Variants in TTYH1 observed in about 807,000 individuals in gnomAD.
TTYH1 encodes protein tweety homolog 1.
A neutral mutation model predicts 61.2 loss-of-function variants in TTYH1; 33 were observed. That is an observed-to-expected ratio of 0.54 (90% confidence interval 0.41 to 0.72). The LOEUF (loss-of-function observed/expected upper bound fraction) is 0.72. Ranked by LOEUF, TTYH1 falls within the 30% of genes least tolerant of loss-of-function variation. The pLI is 0.00. For missense variants in TTYH1, 538 were observed against 575.8 expected, an observed-to-expected ratio of 0.93 and a Z score of 0.67; for synonymous variants, 308 against 266.4, an observed-to-expected ratio of 1.16 and a Z score of -1.52.
At position 54,436,435 on chromosome 19, in the gene TTYH1, G is replaced by C. The variant is rs2083555118; in HGVS notation, c.*145G>C. 3 of 1,571,116 alleles carry C rather than the reference G, an allele frequency of 1.9e-6. No homozygotes were observed. The Admixed American group carries it at 5.0e-5, about 26-fold the overall frequency. On this transcript the variant is annotated 3_prime_UTR_variant, in exon 14 of 14. Transcript: ENST00000376530. The surrounding 1 kb of genome is among the most constrained non-coding windows in gnomAD (Gnocchi z 4.3). ...ACAGCCTGCACAGGACCGCCTCCCT[G>C]CTCTTGGCCACTGTGCTCCCATTTC...
chr19:54,432,956 A>C (rs1220622736), intron 10 of TTYH1: 1 of 152,176 alleles, frequency 6.6e-6, no homozygotes. Flanking sequence ...TGGCATTCCA[A>C]AAAGGGAGTG....
chr19:54,435,551 G>T lies in TTYH1; in HGVS notation c.1135G>T (p.Ala379Ser), dbSNP rs961080546. ...HCRSLHKDYG[A>S]ALRGLCEDAL... ...GACGCCCTCCCCTCAGGACTATGGTGCAGCCCTGCGGGGCCTGTGCGAAGA... is the reference window on the plus strand; with the variant it reads ...GACGCCCTCCCCTCAGGACTATGGTTCAGCCCTGCGGGGCCTGTGCGAAGA... Residue 379 changes from alanine (A) to serine (S), a missense_variant, in exon 11 of 14, where the codon GCA (alanine) becomes TCA (serine). By Grantham distance (99) the Ala-to-Ser change is moderately conservative. This residue lies in a region of TTYH1 where 378 missense variants were observed against 401.2 expected (regional missense o/e 0.94). Coordinates refer to ENST00000376530, the MANE Select transcript of TTYH1 (RefSeq NM_020659.4). 32 of 1,601,966 alleles carry T rather than the reference G, an allele frequency of 2.0e-5. No individual in the cohort carries two copies. Among genetic ancestry groups the T allele is most frequent in the Non-Finnish European group, 2.3e-5 (27 of 1,176,464 alleles).
chr19:54,430,837 C>G lies in TTYH1; in HGVS notation c.964C>G (p.Leu322Val), dbSNP rs143056251. Reference sequence around the variant, plus strand: ...GAGGCTGACTCTGTCCCAGCGAGCTCTGGCCAACATCCACTCCCAGCTGCT... The same window carrying G: ...GAGGCTGACTCTGTCCCAGCGAGCTGTGGCCAACATCCACTCCCAGCTGCT... ...QQRLTLSQRA[L>V]ANIHSQLLGL... Residue 322 changes from leucine to valine, a missense_variant, in exon 9 of 14, where the codon CTG becomes GTG. Leu to Val is a conservative substitution (Grantham distance 32, BLOSUM62 1). Around this residue, in one of 3 missense-constraint regions of TTYH1, gnomAD observed 378 missense variants for 401.2 expected, o/e 0.94. Coordinates refer to ENST00000376530, the MANE Select transcript of TTYH1 (RefSeq NM_020659.4). 4.3e-4 allele frequency: 697 copies of G among 1,613,890 alleles called. No homozygotes were observed. Among genetic ancestry groups the G allele is most frequent in the Non-Finnish European group, 4.4e-4 (514 of 1,180,010 alleles).
rs755102528 is a variant in TTYH1 at position 54,429,832 on chromosome 19, G to A, written c.808-50G>A. On this transcript the variant is annotated intron_variant, in intron 6 of 13. Coordinates refer to ENST00000376530, the MANE Select transcript of TTYH1 (RefSeq NM_020659.4). The surrounding 1 kb of genome is among the most constrained non-coding windows in gnomAD (Gnocchi z 5.1). ...CAGGCACTGGGTGCTGTGGGAGTGT[G>A]GAATCGGGGCAGTTTTGGGTTTGAG... The A allele has an allele frequency of 3.2e-6, 5 of 1,539,846 alleles. No individual in the cohort carries two copies. In the South Asian group the frequency reaches 3.4e-5, roughly 10 times the overall value.
intron 4 of TTYH1, chr19:54,426,389 T>G: frequency 2.1e-6 from 1 of 472,800 alleles, no homozygotes; most frequent in East Asian, 3.5e-5. Flanking sequence ...ACACATCACG[T>G]GTCCCTGGTC....
Position 54,436,569 on chromosome 19 carries a change from T to C in TTYH1, c.*279T>C, listed in dbSNP as rs1030297957. On this transcript the variant is annotated 3_prime_UTR_variant, in exon 14 of 14. Coordinates refer to ENST00000376530, the MANE Select transcript of TTYH1 (RefSeq NM_020659.4). This position sits in a 1 kb window ranked among gnomAD's most constrained non-coding sequence, Gnocchi z 4.3. ...CCTTCATCCCTGGCTGCCGGTCCCA[T>C]CCTTGGAGGGACTAAGCTGGGGGTG... 1.6e-6 allele frequency: 1 copy of C among 630,766 alleles called. No homozygotes were observed. Among genetic ancestry groups the C allele is most frequent in the Middle Eastern group, 3.4e-4 (1 of 2,964 alleles). 39.1% of individuals were successfully genotyped at this position (630,766 alleles called of 1,614,324 possible). A position where few individuals can be genotyped will look rare whatever the true frequency, so the allele number is the denominator to read the frequency against.
rs538705940 is a variant in TTYH1, at chr19:54,429,709, T to A, written c.808-173T>A. Reference sequence around the variant, plus strand: ...GAAAGGGCTGGAGAGTCTGAACCCCTGAGTCTGAGGGACGAGGGGCCTGGG... The same window carrying A: ...GAAAGGGCTGGAGAGTCTGAACCCCAGAGTCTGAGGGACGAGGGGCCTGGG... On this transcript the variant is annotated intron_variant, in intron 6 of 13. Transcript: ENST00000376530. The surrounding 1 kb of genome is among the most constrained non-coding windows in gnomAD (Gnocchi z 5.1). Among the ~76,000 whole-genome samples, 10 of 149,880 alleles carry A rather than the reference T, an allele frequency of 6.7e-5. No individual in the cohort carries two copies. In the South Asian group the frequency reaches 2.1e-3, roughly 31 times the overall value.
Position 54,429,992 on chromosome 19 carries a change from G to A in TTYH1, c.883+35G>A, listed in dbSNP as rs2083402188. The stretch of plus-strand genomic sequence containing the variant: ...AAGGGCCCGGTGGGTCCGCCGGGTT[G>A]GGCAGTGCAGGCCCTGGCTTCCTCA... On this transcript the variant is annotated intron_variant, in intron 7 of 13. Transcript: ENST00000376530. The surrounding 1 kb of genome is among the most constrained non-coding windows in gnomAD (Gnocchi z 5.1). 2.5e-6 allele frequency: 4 copies of A among 1,584,380 alleles called. No homozygotes were observed. Among genetic ancestry groups the A allele is most frequent in the Middle Eastern group, 1.7e-4 (1 of 5,988 alleles).
Position 54,415,576 on chromosome 19 carries a change from G to T in TTYH1, c.24G>T (p.Arg8=). The change falls in exon 1 of 14, where the codon CGG becomes CGT. Residue 8 remains arginine (R), a synonymous_variant. Coordinates refer to ENST00000376530, the MANE Select transcript of TTYH1 (RefSeq NM_020659.4). This position sits in a 1 kb window ranked among gnomAD's most constrained non-coding sequence, Gnocchi z 5.2. MGAPPGY[R]PSAWVHLLHQ... ...CCATGGGGGCGCCCCCGGGCTACCG[G>T]CCCTCAGCTTGGGTGCATCTCCTCC... 1 of 1,505,432 alleles carries T rather than the reference G, an allele frequency of 6.6e-7. No homozygotes were observed. 93.3% of individuals were successfully genotyped at this position (1,505,432 alleles called of 1,614,324 possible). A position where few individuals can be genotyped will look rare whatever the true frequency, so the allele number is the denominator to read the frequency against.
In TTYH1 at chr19:54,415,973, T is replaced by G; in HGVS notation, c.126+295T>G. The G allele has an allele frequency of 1.6e-6, 2 of 1,247,240 alleles. No homozygotes were observed. The highest frequency in any genetic ancestry group is 1.1e-6 in the Non-Finnish European group (1 of 923,308). 77.3% of individuals were successfully genotyped at this position (1,247,240 alleles called of 1,614,324 possible). On this transcript the variant is annotated intron_variant, in intron 1 of 13. Transcript: ENST00000376530. The surrounding 1 kb of genome is among the most constrained non-coding windows in gnomAD (Gnocchi z 5.2). ...GGGGCCCGGATTCCCGGGTGTCTGA[T>G]ACCTGCCTGGGAAGCCGGCCTCCAG... is the stretch of plus-strand genomic sequence containing the variant.
At chr19:54,425,594 G>A (rs1475773400) in intron 4 of TTYH1, among the ~76,000 whole-genome samples, 1 of 152,206 alleles carries the variant, frequency 6.6e-6, no homozygotes, top group Admixed American at 6.5e-5. Flanking sequence ...TTCCCAGCTA[G>A]GCTTAGGGAT....
intron 10 of TTYH1, chr19:54,432,467 C>G (rs759960125): frequency 1.3e-5 from 2 of 152,286 alleles, no homozygotes; most frequent in Admixed American, 1.3e-4. Flanking sequence ...CAAGGTCACA[C>G]GGCCAGCCAG....
At chr19:54,424,593 C>T (rs769030864) in intron 4 of TTYH1, among the ~76,000 whole-genome samples, 16 of 152,218 alleles carry the variant, frequency 1.1e-4, no homozygotes, top group Non-Finnish European at 2.1e-4. Context: ...GCTCCTTCTC[C>T]TGGGCGAGGG....
Position 54,415,527 on chromosome 19 carries a change from C to A in TTYH1, c.-26C>A. 2 of 1,406,556 alleles carry A rather than the reference C, an allele frequency of 1.4e-6. No individual in the cohort carries two copies. Among genetic ancestry groups the A allele is most frequent in the East Asian group, 3.1e-5 (1 of 32,770 alleles). 87.1% of individuals were successfully genotyped at this position (1,406,556 alleles called of 1,614,324 possible). On this transcript the variant is annotated 5_prime_UTR_variant, in exon 1 of 14. Transcript: ENST00000376530. The surrounding 1 kb of genome is among the most constrained non-coding windows in gnomAD (Gnocchi z 5.2). ...GAGGCTCCCGCAGCCCCGGCGTCCG[C>A]CCCGCTGCCCCCTCCCCCGGGGGCC... is the stretch of plus-strand genomic sequence containing the variant.
At chr19:54,435,915 C>T (rs2083540164) in intron 12 of TTYH1, 42 bp downstream of exon 12, 1 of 1,607,602 alleles carries the variant, frequency 6.2e-7, no homozygotes, top group South Asian at 1.1e-5. Context: ...GCGGGGGGTC[C>T]TGAACTCCTG....
chr19:54,432,549 C>T (rs2083463471), intron 10 of TTYH1: 1 of 152,212 alleles, frequency 6.6e-6, no homozygotes, highest in Non-Finnish European at 1.5e-5. Context: ...AGGCAGTTGC[C>T]CAGTTTTGTC....
chr19:54,422,446 G>A (rs768410989), intron 4 of TTYH1, 36 bp downstream of exon 4: 3 of 1,473,594 alleles, frequency 2.0e-6, no homozygotes, highest in Non-Finnish European at 2.7e-6. Context: ...TGTGCCGGCA[G>A]CTCTCAGGCG....
intron 5 of TTYH1, among the ~76,000 whole-genome samples, chr19:54,427,715 C>G (rs2083356629): frequency 6.6e-6 from 1 of 152,074 alleles, no homozygotes; most frequent in South Asian, 2.1e-4. Context: ...CCATAAGGCT[C>G]CATGTGGCCG....
At position 54,415,769 on chromosome 19, in the gene TTYH1, G is replaced by A; in HGVS notation, c.126+91G>A. The A allele has an allele frequency of 5.3e-6, 7 of 1,316,218 alleles. No homozygotes were observed. Among genetic ancestry groups the A allele is most frequent in the Non-Finnish European group, 7.0e-6 (7 of 1,004,336 alleles). The allele number at this position is 1,316,218 out of a possible 1,614,324, so 81.5% of individuals were successfully genotyped here. A position where few individuals can be genotyped will look rare whatever the true frequency, so the allele number is the denominator to read the frequency against. On this transcript the variant is annotated intron_variant, in intron 1 of 13. Transcript: ENST00000376530. The surrounding 1 kb of genome is among the most constrained non-coding windows in gnomAD (Gnocchi z 5.2). ...AAGGGGGCTGGGTCACAGATTTCCT[G>A]AGCTCCGCCGGAGGCTGGGGGCCGG...
Sources: allele counts gnomAD v4.1 joint callset (sites outside exome capture counted in the v4.1 genomes callset), GRCh38; gene constraint gnomAD v4.1.1; regional missense constraint gnomAD v4.1.1; non-coding constraint Gnocchi (gnomAD v3.1); transcripts MANE v1.5; gene names NCBI Gene and HGNC (gene_info 2026-07-23, HGNC 2026-07-21).